DNAAF11: variants seen among roughly 807,000 people sequenced by gnomAD.
The protein encoded by DNAAF11 is dynein axonemal assembly factor 11.
Under a neutral mutation model 60.8 loss-of-function variants are expected in DNAAF11, and 45 were observed. The ratio of observed to expected loss-of-function variants is 0.74; its 90% CI spans 0.58 to 0.95. The LOEUF (loss-of-function observed/expected upper bound fraction) is 0.95, where lower values mean the gene tolerates loss of function less well. Ranked by LOEUF, DNAAF11 falls within the 40% of genes least tolerant of loss-of-function variation. The pLI, the probability that DNAAF11 is intolerant of heterozygous loss-of-function variation, is 0.00. For synonymous variants in DNAAF11, 191 were observed against 183.5 expected, an observed-to-expected ratio of 1.04 and a Z score of -0.33; for missense variants, 546 against 546.2, an observed-to-expected ratio of 1.00 and a Z score of 0.00.
At chr8:132,619,469 G>T (rs1262812495) in intron 7 of DNAAF11, among the ~76,000 whole-genome samples, 1 of 146,036 alleles carries the variant, frequency 6.8e-6, no homozygotes, top group Non-Finnish European at 1.5e-5. Flanking sequence ...TAAAAAAAAA[G>T]AAGGATGGTA....
intron 2 of DNAAF11, among the ~76,000 whole-genome samples, chr8:132,660,552 T>C (rs938408633): frequency 1.3e-5 from 2 of 152,218 alleles, no homozygotes; most frequent in East Asian, 1.9e-4. Context: ...TCTGTGTCCA[T>C]GTGGCAGGAC....
intron 10 of DNAAF11, among the ~76,000 whole-genome samples, chr8:132,606,181 TA>T (rs1433698534): frequency 6.6e-6 from 1 of 152,228 alleles, no homozygotes; most frequent in East Asian, 1.9e-4. Flanking sequence ...GCCAGTCGTA[TA>T]AAAGTATAGC....
In DNAAF11 at chr8:132,637,952, T is replaced by G. The variant is rs763024256; in HGVS notation, c.412A>C (p.Thr138Pro). 1.9e-6 allele frequency: 3 copies of G among 1,607,592 alleles called. No individual in the cohort carries two copies. The highest frequency in any genetic ancestry group is 2.2e-5 in the East Asian group (1 of 44,788). ...AACCATACCTTTAATTGTGGAAGAGTTGCTACCACGAACTCCCTATAGTGG... is the reference window on the plus strand; with the variant it reads ...AACCATACCTTTAATTGTGGAAGAGGTGCTACCACGAACTCCCTATAGTGG... ...FDHYREFVVATLPQLKWLDGK... is the reference protein window; with the variant it reads ...FDHYREFVVAPLPQLKWLDGK... Residue 138 changes from threonine to proline, a missense_variant, in exon 4 of 12, where the codon ACT becomes CCT. Coordinates refer to ENST00000620350, the MANE Select transcript of DNAAF11 (RefSeq NM_012472.6).
At chr8:132,667,241 T>A (rs904282295) in intron 1 of DNAAF11, among the ~76,000 whole-genome samples, 1 of 152,258 alleles carries the variant, frequency 6.6e-6, no homozygotes, top group Non-Finnish European at 1.5e-5. Context: ...TTATGATACG[T>A]AGATTTGGGC....
chr8:132,637,938 T>A lies in DNAAF11; in HGVS notation c.426A>T (p.Leu142Phe). 6.2e-7 allele frequency: 1 copy of A among 1,604,338 alleles called. No individual in the cohort carries two copies. Among genetic ancestry groups the A allele is most frequent in the Admixed American group, 1.7e-5 (1 of 58,412 alleles). ...REFVVATLPQ[L>F]KWLDGKEIEP... The stretch of plus-strand genomic sequence containing the variant: ...TGCACCATTAAAAGAACCATACCTT[T>A]AATTGTGGAAGAGTTGCTACCACGA... Residue 142 changes from leucine (L) to phenylalanine (F), a missense_variant, in exon 4 of 12, where the codon TTA becomes TTT. Coordinates refer to ENST00000620350, the MANE Select transcript of DNAAF11 (RefSeq NM_012472.6).
intron 4 of DNAAF11, among the ~76,000 whole-genome samples, chr8:132,637,028 A>G (rs1169805954): frequency 6.6e-6 from 1 of 152,198 alleles, no homozygotes; most frequent in South Asian, 2.1e-4. Context: ...TTAGAATTAC[A>G]TGAAACGTAA....
At chr8:132,591,251 C>T (rs1816434420) in intron 10 of DNAAF11, among the ~76,000 whole-genome samples, 1 of 151,126 alleles carries the variant, frequency 6.6e-6, no homozygotes, top group East Asian at 1.9e-4. Flanking sequence ...AACTAAAAAA[C>T]TTTTTTTTTA....
At chr8:132,702,328 AGTCTGT>A in the DNAAF11 span, 1 of 152,208 alleles carries the variant, frequency 6.6e-6, no homozygotes, top group Non-Finnish European at 1.5e-5. Context: ...GAACTGCCAG[AGTCTGT>A]GTCTGTGTCT....
the DNAAF11 span, among the ~76,000 whole-genome samples, chr8:132,691,937 C>T: frequency 9.9e-5 from 15 of 152,090 alleles, no homozygotes; most frequent in Non-Finnish European, 1.9e-4. Context: ...GCAGCCGCCT[C>T]GCCTATGATC....
chr8:132,679,903 AG>A (rs1422294302), upstream of DNAAF11, among the ~76,000 whole-genome samples: 2 of 152,184 alleles, frequency 1.3e-5, no homozygotes, highest in African/African-American at 4.8e-5. Flanking sequence ...GCCCAGTCTC[AG>A]GTATGTCTTT....
intron 1 of DNAAF11, among the ~76,000 whole-genome samples, chr8:132,672,484 A>C (rs546787181): frequency 6.6e-6 from 1 of 152,318 alleles, no homozygotes; most frequent in South Asian, 2.1e-4. Context: ...CCTAAGAGAC[A>C]ATATAGCAAA....
chr8:132,598,745 T>C (rs999299198), intron 10 of DNAAF11, among the ~76,000 whole-genome samples: 2 of 152,188 alleles, frequency 1.3e-5, no homozygotes, highest in Non-Finnish European at 2.9e-5. Flanking sequence ...AGACACAACA[T>C]ACCAGAATCT....
intron 4 of DNAAF11, among the ~76,000 whole-genome samples, chr8:132,633,653 G>A (rs972747337): frequency 2.0e-5 from 3 of 152,104 alleles, no homozygotes; most frequent in African/African-American, 7.2e-5. Flanking sequence ...ACCTTACATG[G>A]CAAAAGGGGC....
intron 11 of DNAAF11, among the ~76,000 whole-genome samples, chr8:132,573,190 A>T (rs1814395983): frequency 6.6e-6 from 1 of 152,220 alleles, no homozygotes; most frequent in South Asian, 2.1e-4. Context: ...TTTTGATTCA[A>T]TAAGTCTGGT....
At chr8:132,687,609 A>G in the DNAAF11 span, 7 of 456,046 alleles carry the variant, frequency 1.5e-5, no homozygotes, top group South Asian at 1.5e-5. Flanking sequence ...CTTCCTGTGC[A>G]TTCTCCTGTT....
chr8:132,655,479 GAAC>G (rs1432049981), intron 3 of DNAAF11, among the ~76,000 whole-genome samples: 1 of 151,980 alleles, frequency 6.6e-6, no homozygotes, highest in Non-Finnish European at 1.5e-5. Context: ...ACAAAACTAA[GAAC>G]AACTGTGCCT....
chr8:132,664,590 T>C (rs537172499), intron 1 of DNAAF11, among the ~76,000 whole-genome samples: 1 of 151,946 alleles, frequency 6.6e-6, no homozygotes, highest in Admixed American at 6.6e-5. Context: ...GCCTTCTGAG[T>C]AGCTGGAACT....
intron 10 of DNAAF11, among the ~76,000 whole-genome samples, chr8:132,598,565 T>C (rs1390068121): frequency 1.3e-5 from 2 of 152,212 alleles, no homozygotes; most frequent in Non-Finnish European, 2.9e-5. Context: ...TTTCTATTCA[T>C]AAAAAGTATA....
chr8:132,691,450 G>A, the DNAAF11 span, among the ~76,000 whole-genome samples: 1 of 152,052 alleles, frequency 6.6e-6, no homozygotes, highest in Non-Finnish European at 1.5e-5. Context: ...ATTCTCCAAG[G>A]ATCCTTGGTT....
Sources: gnomAD v4.1 joint callset for allele counts (sites outside exome capture counted in the v4.1 genomes callset) on GRCh38, gnomAD v4.1.1 for gene constraint, MANE v1.5 for transcripts, NCBI Gene and HGNC (gene_info 2026-07-23, HGNC 2026-07-21) for gene names.